TRDN: variants seen among roughly 807,000 people sequenced by gnomAD.
TRDN encodes triadin.
Under a neutral mutation model 149.7 loss-of-function variants are expected in TRDN, and 161 were observed. That is an observed-to-expected ratio of 1.08 (90% CI 0.95 to 1.23). TRDN has a LOEUF of 1.23. Ranked by LOEUF, TRDN falls within the 50% of genes most tolerant of loss-of-function variation. The pLI, the probability that TRDN is intolerant of heterozygous loss-of-function variation, is 0.00. For missense variants in TRDN, 896 were observed against 823.5 expected (o/e 1.09, Z -1.08); for synonymous variants, 294 against 250.5 (o/e 1.17, Z -1.64).
chr6:123,503,343 GCTGT>G, intron 8 of TRDN: 1 of 985,204 alleles, frequency 1.0e-6, no homozygotes, highest in Non-Finnish European at 1.2e-6. Context: ...CTTAGGAATT[GCTGT>G]CATTTTGGGG....
chr6:123,583,206 CTG>C (rs557403630), intron 1 of TRDN, among the ~76,000 whole-genome samples: 154 of 152,184 alleles, frequency 1.0e-3, no homozygotes, highest in African/African-American at 3.6e-3. Flanking sequence ...CTTGGAGAAA[CTG>C]TAAACCGGCA....
At chr6:123,353,352 C>T (rs1297096135) in intron 20 of TRDN, among the ~76,000 whole-genome samples, 1 of 151,824 alleles carries the variant, frequency 6.6e-6, no homozygotes, top group Non-Finnish European at 1.5e-5. Flanking sequence ...AGAAATGTGT[C>T]TGTAGCCAAC....
At chr6:123,417,029 G>A (rs906953758) in intron 12 of TRDN, among the ~76,000 whole-genome samples, 2 of 152,092 alleles carry the variant, frequency 1.3e-5, no homozygotes, top group African/African-American at 2.4e-5. Flanking sequence ...ACCCAGAAAA[G>A]CATCTTTCTA....
At chr6:123,552,494 A>G (rs987926348) in intron 2 of TRDN, among the ~76,000 whole-genome samples, 2 of 152,132 alleles carry the variant, frequency 1.3e-5, no homozygotes, top group Non-Finnish European at 2.9e-5. Flanking sequence ...CCTGAGAAAC[A>G]TTGGCACACA....
intron 24 of TRDN, among the ~76,000 whole-genome samples, chr6:123,314,641 T>A (rs188034125): frequency 4.5e-4 from 69 of 152,074 alleles, no homozygotes; most frequent in African/African-American, 1.3e-3. Flanking sequence ...GGTACATATA[T>A]ACCATGGAAT....
intron 12 of TRDN, among the ~76,000 whole-genome samples, chr6:123,423,912 T>C (rs1774012173): frequency 6.6e-6 from 1 of 152,152 alleles, no homozygotes; most frequent in Non-Finnish European, 1.5e-5. Context: ...GACAGCACTC[T>C]GGCCTAACTT....
intron 12 of TRDN, among the ~76,000 whole-genome samples, chr6:123,421,938 C>T (rs371563797): frequency 6.6e-6 from 1 of 151,896 alleles, no homozygotes; most frequent in African/African-American, 2.4e-5. Flanking sequence ...AGCACCACTG[C>T]ACTTCAGCCT....
intron 5 of TRDN, among the ~76,000 whole-genome samples, chr6:123,519,087 A>G (rs1382469849): frequency 1.3e-5 from 2 of 152,228 alleles, no homozygotes; most frequent in Non-Finnish European, 2.9e-5. Flanking sequence ...TATCTTAGCC[A>G]GGACAGTTTT....
chr6:123,388,457 C>T (rs772571734), intron 14 of TRDN, 65 bp downstream of exon 14: 40 of 1,541,494 alleles, frequency 2.6e-5, no homozygotes, highest in Non-Finnish European at 3.3e-5. Flanking sequence ...GCAGTCAAAA[C>T]CCAACTCAGG....
At chr6:123,547,517 C>T (rs964269395) in intron 3 of TRDN, 145 bp from the exon 4 acceptor site, 5 of 457,856 alleles carry the variant, frequency 1.1e-5, no homozygotes, top group South Asian at 1.2e-4. Context: ...TTCCCAAATT[C>T]CAGTTTTTAA....
At chr6:123,300,791 A>G (rs1582839933) in intron 24 of TRDN, among the ~76,000 whole-genome samples, 1 of 152,126 alleles carries the variant, frequency 6.6e-6, no homozygotes, top group African/African-American at 2.4e-5. Context: ...TGTCTCATGT[A>G]CTTACTAGTA....
intron 12 of TRDN, among the ~76,000 whole-genome samples, chr6:123,420,976 A>G (rs926344975): frequency 6.6e-6 from 1 of 152,246 alleles, no homozygotes; most frequent in South Asian, 2.1e-4. Flanking sequence ...AAAAGTCATC[A>G]TGACAGAACG....
intron 2 of TRDN, among the ~76,000 whole-genome samples, chr6:123,566,062 T>C (rs1221562472): frequency 1.3e-5 from 2 of 152,244 alleles, no homozygotes; most frequent in Non-Finnish European, 2.9e-5. Context: ...TTATTCTATG[T>C]AATTCAGAGT....
rs1776538497 is a variant in TRDN at position 123,255,883 on chromosome 6, A to T, written c.1890T>A (p.His630Gln). The T allele has an allele frequency of 3.0e-6, 4 of 1,351,524 alleles. No homozygotes were observed. The African/African-American group carries it at 4.6e-5, about 16-fold the overall frequency. The allele number at this position is 1,351,524 out of a possible 1,614,324, so 83.7% of individuals were successfully genotyped here. Reference sequence around the variant, plus strand: ...AAAAATTACCTTTTTCTTCTCTAAGATGCTTCATGTCTGCTTTTTCTGTAT... The same window carrying T: ...AAAAATTACCTTTTTCTTCTCTAAGTTGCTTCATGTCTGCTTTTTCTGTAT... ...KESKEKADMKHLREEKVSTRK... is the reference protein window; with the variant it reads ...KESKEKADMKQLREEKVSTRK... The change falls in exon 36 of 41, where the codon CAT becomes CAA. Residue 630 changes from histidine (H) to glutamine (Q), a missense_variant. By Grantham distance (24) the His-to-Gln change is conservative (BLOSUM62 0). Coordinates refer to ENST00000334268, the MANE Select transcript of TRDN (RefSeq NM_006073.4).
At chr6:123,241,005 G>A (rs1775969405) in intron 38 of TRDN, among the ~76,000 whole-genome samples, 1 of 151,830 alleles carries the variant, frequency 6.6e-6, no homozygotes, top group Admixed American at 6.6e-5. Flanking sequence ...AACATAAAAT[G>A]AAGTATATTC....
chr6:123,535,292 G>T lies in TRDN; in HGVS notation c.425-4727C>A, dbSNP rs116716722. Among the ~76,000 whole-genome samples, 1,217 of 152,210 alleles carry T rather than the reference G, an allele frequency of 8.0e-3. 13 individuals carry two copies. Among genetic ancestry groups the T allele is most frequent in the African/African-American group, 0.028 (1,163 of 41,538 alleles). ...GAATTAGCACTCCACTAAAGTTGCCGGTGTCAGTAATGGTTTCAAGGGCAC... is the reference window on the plus strand; with the variant it reads ...GAATTAGCACTCCACTAAAGTTGCCTGTGTCAGTAATGGTTTCAAGGGCAC... On this transcript the variant is annotated intron_variant, in intron 4 of 40. Coordinates refer to ENST00000334268, the MANE Select transcript of TRDN (RefSeq NM_006073.4).
chr6:123,494,976 C>T (rs1231340736), intron 9 of TRDN, among the ~76,000 whole-genome samples: 6 of 151,822 alleles, frequency 4.0e-5, no homozygotes, highest in East Asian at 2.0e-4. Context: ...TCAGGTGATC[C>T]GCCCGCCTCA....
At chr6:123,354,571 T>G (rs1780587222) in intron 20 of TRDN, among the ~76,000 whole-genome samples, 1 of 151,772 alleles carries the variant, frequency 6.6e-6, no homozygotes, top group South Asian at 2.1e-4. Context: ...TGTTCATAGA[T>G]TAGTTAGATG....
In TRDN at chr6:123,240,300, T is replaced by G. The variant is rs1020129396; in HGVS notation, c.1975+12112A>C. ...TTATATTAGTAAGAGGGATAGGAAATTCACATTTTTGATATTAATTTGTAT... is the reference window on the plus strand; with the variant it reads ...TTATATTAGTAAGAGGGATAGGAAAGTCACATTTTTGATATTAATTTGTAT... On this transcript the variant is annotated intron_variant, in intron 38 of 40. Coordinates refer to ENST00000334268, the MANE Select transcript of TRDN (RefSeq NM_006073.4). Among the ~76,000 whole-genome samples, 42 of 151,986 alleles carry G rather than the reference T, an allele frequency of 2.8e-4. 1 individual carries two copies. The highest frequency in any genetic ancestry group is 9.6e-4 in the African/African-American group (40 of 41,564).
Sources: gnomAD v4.1 joint callset for allele counts (sites outside exome capture counted in the v4.1 genomes callset) on GRCh38, gnomAD v4.1.1 for gene constraint, MANE v1.5 for transcripts, NCBI Gene and HGNC (gene_info 2026-07-23, HGNC 2026-07-21) for gene names.